Variants in NOX4 observed in about 807,000 individuals in gnomAD.
NOX4 encodes the protein NADPH oxidase 4, also known as kidney oxidase-1.
NOX4 carries 69 observed loss-of-function variants against 87.6 expected under a neutral mutation model. That is an observed-to-expected ratio of 0.79 (90% confidence interval 0.65 to 0.96). The LOEUF (loss-of-function observed/expected upper bound fraction) is 0.96. Ranked by LOEUF, NOX4 falls within the 40% of genes least tolerant of loss-of-function variation. The probability of loss-of-function intolerance (pLI) is 0.00; values close to 1 mark genes in which losing one functional copy is unlikely to be tolerated. For missense variants in NOX4, 680 were observed against 681.5 expected, an observed-to-expected ratio of 1.00 and a Z score of 0.02; for synonymous variants, 275 against 238.2, an observed-to-expected ratio of 1.15 and a Z score of -1.42.
At chr11:89,393,494 T>G (rs1941266431) in intron 11 of NOX4, among the ~76,000 whole-genome samples, 1 of 152,100 alleles carries the variant, frequency 6.6e-6, no homozygotes. Flanking sequence ...CTGAGACTAC[T>G]TTCATATTCC....
the NOX4 span, among the ~76,000 whole-genome samples, chr11:89,570,011 A>G: frequency 6.6e-6 from 1 of 151,256 alleles, no homozygotes; most frequent in Non-Finnish European, 1.5e-5. Context: ...CAAAAAAAAA[A>G]AAAAAAGAAA....
At chr11:89,507,840 C>T in the NOX4 span, among the ~76,000 whole-genome samples, 1 of 151,784 alleles carries the variant, frequency 6.6e-6, no homozygotes. Context: ...CCAAGAATAG[C>T]AGTGATGGGC....
intron 7 of NOX4, among the ~76,000 whole-genome samples, chr11:89,425,365 G>A (rs528436207): frequency 8.8e-5 from 13 of 147,472 alleles, no homozygotes; most frequent in African/African-American, 3.3e-4. Flanking sequence ...GAAAAAGCAT[G>A]CAAAGACATA....
At chr11:89,585,035 C>T in the NOX4 span, among the ~76,000 whole-genome samples, 1 of 152,166 alleles carries the variant, frequency 6.6e-6, no homozygotes, top group African/African-American at 2.4e-5. Context: ...GGATCCCAAC[C>T]AGGGCCTCAC....
chr11:89,349,911 T>C (rs1946385676), intron 13 of NOX4, among the ~76,000 whole-genome samples: 1 of 152,212 alleles, frequency 6.6e-6, no homozygotes, highest in Non-Finnish European at 1.5e-5. Flanking sequence ...AAAAATATAT[T>C]ATAACTACTC....
the NOX4 span, among the ~76,000 whole-genome samples, chr11:89,527,339 A>G: frequency 6.6e-5 from 10 of 152,230 alleles, no homozygotes; most frequent in Non-Finnish European, 1.5e-4. Context: ...AATGCAATAG[A>G]AAAGAAAATC....
At chr11:89,333,306 T>C (rs1352725518) in intron 17 of NOX4, among the ~76,000 whole-genome samples, 1 of 151,794 alleles carries the variant, frequency 6.6e-6, no homozygotes, top group Non-Finnish European at 1.5e-5. Flanking sequence ...AACAACAAAG[T>C]AAGCTGAAGA....
chr11:89,455,923 T>A (rs1283655599), intron 2 of NOX4, among the ~76,000 whole-genome samples: 1 of 151,574 alleles, frequency 6.6e-6, no homozygotes, highest in Non-Finnish European at 1.5e-5. Flanking sequence ...AGAAGAGTAG[T>A]GGGAAGTGGG....
chr11:89,328,746 G>A (rs1215802893), intron 17 of NOX4, among the ~76,000 whole-genome samples: 1 of 151,992 alleles, frequency 6.6e-6, no homozygotes, highest in Non-Finnish European at 1.5e-5. Flanking sequence ...TGGAGATAAG[G>A]CTTTAAAGGA....
At chr11:89,567,584 A>G in the NOX4 span, among the ~76,000 whole-genome samples, 1 of 152,342 alleles carries the variant, frequency 6.6e-6, no homozygotes, top group East Asian at 1.9e-4. Context: ...TGGTGGCAGA[A>G]GAGAGAATGA....
chr11:89,416,681 G>A (rs889158692), intron 8 of NOX4, among the ~76,000 whole-genome samples: 3 of 152,076 alleles, frequency 2.0e-5, no homozygotes, highest in African/African-American at 7.2e-5. Context: ...ACACTGCCGG[G>A]GGTTCATTAA....
the NOX4 span, among the ~76,000 whole-genome samples, chr11:89,536,502 G>C: frequency 6.6e-6 from 1 of 152,076 alleles, no homozygotes; most frequent in Non-Finnish European, 1.5e-5. Context: ...CCTTTTCCAA[G>C]TTCTACTTTA....
At chr11:89,486,970 G>A (rs2135488249) in intron 2 of NOX4, among the ~76,000 whole-genome samples, 1 of 151,828 alleles carries the variant, frequency 6.6e-6, no homozygotes, top group East Asian at 1.9e-4. Context: ...AATGTCACTG[G>A]TTTCTTTTTC....
chr11:89,416,033 C>G (rs1656013228), intron 8 of NOX4, among the ~76,000 whole-genome samples: 2 of 152,098 alleles, frequency 1.3e-5, no homozygotes, highest in Non-Finnish European at 2.9e-5. Context: ...GGCTCTAGCT[C>G]AAAGTCTACA....
chr11:89,415,773 C>T (rs1461365358), intron 8 of NOX4, among the ~76,000 whole-genome samples: 2 of 152,168 alleles, frequency 1.3e-5, no homozygotes, highest in African/African-American at 4.8e-5. Context: ...ATGCCAGACT[C>T]ATTAGAAACT....
At chr11:89,375,675 T>C (rs1939787146) in intron 11 of NOX4, among the ~76,000 whole-genome samples, 1 of 152,180 alleles carries the variant, frequency 6.6e-6, no homozygotes, top group Non-Finnish European at 1.5e-5. Context: ...AAATAAAATA[T>C]TATCTGCAAA....
In NOX4 at chr11:89,484,698, A is replaced by G. The variant is rs184512598; in HGVS notation, c.153+5760T>C. Among the ~76,000 whole-genome samples the G allele has an allele frequency of 3.9e-4, 59 of 152,282 alleles. 2 individuals are homozygous for G. The East Asian group carries it at 0.01, about 27-fold the overall frequency. On this transcript the variant is annotated intron_variant, in intron 2 of 17. Transcript: ENST00000263317. ...AGTTTCCTTCCAAGTCTAAAACTCTATGAATCAGTGTCTATTGTAAATAGA... is the reference window on the plus strand; with the variant it reads ...AGTTTCCTTCCAAGTCTAAAACTCTGTGAATCAGTGTCTATTGTAAATAGA...
At chr11:89,436,143 G>A (rs1944071669) in intron 6 of NOX4, among the ~76,000 whole-genome samples, 2 of 152,044 alleles carry the variant, frequency 1.3e-5, no homozygotes, top group Non-Finnish European at 2.9e-5. Context: ...GATGTTAAAT[G>A]CTAGAGATAA....
At chr11:89,535,339 C>G in the NOX4 span, among the ~76,000 whole-genome samples, 1 of 152,246 alleles carries the variant, frequency 6.6e-6, no homozygotes, top group Admixed American at 6.5e-5. Context: ...TGCTCTTTAA[C>G]TGACTTTCAC....
Sources: allele counts gnomAD v4.1 joint callset (sites outside exome capture counted in the v4.1 genomes callset), GRCh38; gene constraint gnomAD v4.1.1; transcripts MANE v1.5; gene names NCBI Gene and HGNC (gene_info 2026-07-23, HGNC 2026-07-21).